IL34: variants seen among roughly 807,000 people sequenced by gnomAD.
The protein encoded by IL34 is interleukin-34.
In IL34, 17 loss-of-function variants were observed where a neutral mutation model predicts 25.3. The ratio of observed to expected loss-of-function variants is 0.67; its 90% CI spans 0.46 to 1.01. The LOEUF (loss-of-function observed/expected upper bound fraction) is 1.01. Ranked by LOEUF, IL34 falls within the 50% of genes least tolerant of loss-of-function variation. The pLI is 0.00. For missense variants in IL34, 368 were observed against 312.9 expected, an observed-to-expected ratio of 1.18 and a Z score of -1.33; for synonymous variants, 174 against 140.9, an observed-to-expected ratio of 1.23 and a Z score of -1.66.
intron 1 of IL34, among the ~76,000 whole-genome samples, chr16:70,590,560 G>C (rs1259681464): frequency 6.6e-6 from 1 of 152,198 alleles, no homozygotes; most frequent in Middle Eastern, 3.2e-3. Context: ...GGGTGGGAAG[G>C]CTTGTCCCAG....
intron 1 of IL34, among the ~76,000 whole-genome samples, chr16:70,608,163 C>T (rs1328129955): frequency 8.1e-6 from 1 of 124,188 alleles, no homozygotes; most frequent in Non-Finnish European, 1.6e-5. Flanking sequence ...GAGTCTTGCT[C>T]TGTTGCCCAG....
chr16:70,639,318 A>C (rs2051727492), intron 1 of IL34, among the ~76,000 whole-genome samples: 1 of 152,226 alleles, frequency 6.6e-6, no homozygotes, highest in African/African-American at 2.4e-5. Context: ...AACAAATTAC[A>C]CGGGCCTGGA....
intron 1 of IL34, among the ~76,000 whole-genome samples, chr16:70,652,453 C>T (rs2052104333): frequency 1.3e-5 from 2 of 152,078 alleles, no homozygotes; most frequent in Admixed American, 1.3e-4. Flanking sequence ...GAGCAAGACC[C>T]TATTTGAAAA....
At chr16:70,647,089 C>T in intron 1 of IL34, 114 bp downstream of exon 1, 1 of 927,142 alleles carries the variant, frequency 1.1e-6, no homozygotes, top group Non-Finnish European at 1.5e-6. Flanking sequence ...TGCGATGCTT[C>T]CCAGCCGGAC....
chr16:70,589,321 G>T (rs1185934938), intron 1 of IL34, among the ~76,000 whole-genome samples: 3 of 152,100 alleles, frequency 2.0e-5, no homozygotes, highest in Non-Finnish European at 4.4e-5. Context: ...ATGGGGGTTT[G>T]TTGTATTTCA....
intron 1 of IL34, among the ~76,000 whole-genome samples, chr16:70,653,363 AG>A (rs1266663411): frequency 6.6e-6 from 1 of 150,412 alleles, no homozygotes; most frequent in Non-Finnish European, 1.5e-5. Context: ...AAAAAAAAAA[AG>A]CCCCAACAAC....
chr16:70,623,249 G>A (rs2051318355), intron 1 of IL34, among the ~76,000 whole-genome samples: 1 of 152,052 alleles, frequency 6.6e-6, no homozygotes, highest in South Asian at 2.1e-4. Flanking sequence ...GATGATGGGA[G>A]CAAAGGAATA....
intron 1 of IL34, among the ~76,000 whole-genome samples, chr16:70,588,323 A>G (rs1442212724): frequency 6.6e-6 from 1 of 151,792 alleles, no homozygotes; most frequent in Non-Finnish European, 1.5e-5. Context: ...GCAAAACCCC[A>G]TATCTACTAA....
At chr16:70,619,605 A>T (rs1334867516) in intron 1 of IL34, among the ~76,000 whole-genome samples, 2 of 151,456 alleles carry the variant, frequency 1.3e-5, no homozygotes, top group Non-Finnish European at 2.9e-5. Flanking sequence ...GGTAATGTGG[A>T]GTGGGTAGCC....
At chr16:70,620,430 G>C (rs1422321629) in intron 1 of IL34, among the ~76,000 whole-genome samples, 1 of 141,422 alleles carries the variant, frequency 7.1e-6, no homozygotes, top group Non-Finnish European at 1.5e-5. Flanking sequence ...GCCCCACCAG[G>C]TGTGAGGAGG....
At chr16:70,651,352 G>C (rs2052074066) in intron 1 of IL34, among the ~76,000 whole-genome samples, 1 of 152,176 alleles carries the variant, frequency 6.6e-6, no homozygotes, top group Non-Finnish European at 1.5e-5. Context: ...AGATGTTAAA[G>C]GGCCAAACAC....
intron 1 of IL34, among the ~76,000 whole-genome samples, chr16:70,623,644 T>TG (rs1325158055): frequency 2.0e-5 from 3 of 151,230 alleles, no homozygotes; most frequent in African/African-American, 4.9e-5. Flanking sequence ...TGGGTTAAGG[T>TG]GGGGGAATAC....
chr16:70,634,546 G>A (rs926740443), intron 1 of IL34, among the ~76,000 whole-genome samples: 2 of 152,038 alleles, frequency 1.3e-5, no homozygotes, highest in African/African-American at 4.8e-5. Flanking sequence ...TGGGTGTGGT[G>A]GCACGTGCCT....
At chr16:70,659,181 C>G (rs765783918) in intron 4 of IL34, among the ~76,000 whole-genome samples, 1 of 152,166 alleles carries the variant, frequency 6.6e-6, no homozygotes, top group Non-Finnish European at 1.5e-5. Context: ...TGAAGCTGGA[C>G]ACCCTGCCCT....
Position 70,600,934 on chromosome 16 carries a change from G to T in IL34, c.-401+20885G>T, listed in dbSNP as rs1160631651. ...AAATGAGAAGATGCTGGCAGAAGCA[G>T]GGCTGCTGGGAGGAGTAGGGGATGC... On this transcript the variant is annotated intron_variant, in intron 1 of 6. Coordinates refer to the IL34 transcript ENST00000429149. 3.1e-3 allele frequency among the ~76,000 whole-genome samples: 430 copies of T among 139,610 alleles called. 2 individuals are homozygous for T. The highest frequency in any genetic ancestry group is 0.012 in the African/African-American group (399 of 33,040). 91.6% of individuals were successfully genotyped at this position (139,610 alleles called of 152,430 possible).
At chr16:70,591,356 C>A (rs1232523094) in intron 1 of IL34, among the ~76,000 whole-genome samples, 2 of 152,086 alleles carry the variant, frequency 1.3e-5, no homozygotes, top group African/African-American at 2.4e-5. Context: ...GGATGACCAC[C>A]ACGCTTATAG....
intron 1 of IL34, among the ~76,000 whole-genome samples, chr16:70,630,799 C>G (rs941264973): frequency 6.6e-6 from 1 of 152,006 alleles, no homozygotes; most frequent in Non-Finnish European, 1.5e-5. Context: ...CCTCAAACTC[C>G]TGGGTTCAAG....
chr16:70,605,377 C>T (rs781637786), intron 1 of IL34, among the ~76,000 whole-genome samples: 1 of 152,146 alleles, frequency 6.6e-6, no homozygotes, highest in Non-Finnish European at 1.5e-5. Flanking sequence ...AAACATGAAA[C>T]TTACTAGCTT....
rs145155246 is a variant in IL34 at position 70,590,823 on chromosome 16, C to G, written c.-401+10774C>G. Among the ~76,000 whole-genome samples the G allele has an allele frequency of 1.6e-4, 24 of 152,288 alleles. No homozygotes were observed. In the East Asian group the frequency reaches 3.5e-3, roughly 22 times the overall value. The stretch of plus-strand genomic sequence containing the variant: ...TGGAAGTCTCCCAAACCCGTCCCCC[C>G]GCAAGCTGGCCTCTCCCTGCCCCCG... On this transcript the variant is annotated intron_variant, in intron 1 of 6. Coordinates refer to the IL34 transcript ENST00000429149.
Sources: gnomAD v4.1 joint callset for allele counts (sites outside exome capture counted in the v4.1 genomes callset) on GRCh38, gnomAD v4.1.1 for gene constraint, MANE v1.5 for transcripts, NCBI Gene and HGNC (gene_info 2026-07-23, HGNC 2026-07-21) for gene names.